The following UST variants were observed in gnomAD, a reference collection of about 807,000 sequenced individuals.
UST encodes the protein chondroitin sulfate 2-O-sulfotransferase.
UST carries 21 observed loss-of-function variants against 45.6 expected under a neutral mutation model. The ratio of observed to expected loss-of-function variants is 0.46; its 90% CI spans 0.33 to 0.66. The LOEUF (loss-of-function observed/expected upper bound fraction) is 0.66, where lower values mean the gene tolerates loss of function less well. Ranked by LOEUF, UST falls within the 30% of genes least tolerant of loss-of-function variation. The probability of loss-of-function intolerance (pLI) is 0.02; values close to 1 mark genes in which losing one functional copy is unlikely to be tolerated. For missense variants in UST, 463 were observed against 512.4 expected (o/e 0.90, Z 0.93); for synonymous variants, 215 against 200.6 (o/e 1.07, Z -0.61).
chr6:149,014,393 C>G (rs1283889107), intron 5 of UST, among the ~76,000 whole-genome samples: 1 of 152,170 alleles, frequency 6.6e-6, no homozygotes, highest in African/African-American at 2.4e-5. Context: ...AGCCTAAGAA[C>G]TAGAACTAGG....
chr6:148,783,930 A>T (rs903359383), intron 1 of UST, among the ~76,000 whole-genome samples: 3 of 152,146 alleles, frequency 2.0e-5, no homozygotes, highest in African/African-American at 7.2e-5. Flanking sequence ...AGATTCAATG[A>T]TATCTTCAAA....
chr6:148,908,376 C>G (rs193012488), intron 2 of UST, among the ~76,000 whole-genome samples: 35 of 152,274 alleles, frequency 2.3e-4, no homozygotes, highest in Admixed American at 8.5e-4. Context: ...TAAACAACCA[C>G]TTGGTGATTA....
intron 7 of UST, among the ~76,000 whole-genome samples, chr6:149,031,925 G>A (rs1776149112): frequency 6.6e-6 from 1 of 152,238 alleles, no homozygotes. Context: ...GACGTGGAAG[G>A]AGGCATTTTA....
chr6:148,803,216 A>T (rs1382671880), intron 1 of UST, among the ~76,000 whole-genome samples: 1 of 152,108 alleles, frequency 6.6e-6, no homozygotes, highest in Non-Finnish European at 1.5e-5. Context: ...ATCAAGAGTA[A>T]TTCTCCTTCC....
chr6:148,911,435 A>C (rs1779473420), intron 2 of UST, among the ~76,000 whole-genome samples: 1 of 152,146 alleles, frequency 6.6e-6, no homozygotes, highest in Non-Finnish European at 1.5e-5. Flanking sequence ...CTGAAATCTG[A>C]TCTTGTCCTT....
At chr6:149,030,257 TA>T (rs1215065324) in intron 7 of UST, among the ~76,000 whole-genome samples, 2 of 152,200 alleles carry the variant, frequency 1.3e-5, no homozygotes, top group East Asian at 3.8e-4. Flanking sequence ...GTGATTCCTC[TA>T]AAACTCTTCT....
chr6:149,030,643 G>A (rs910407559), intron 7 of UST, among the ~76,000 whole-genome samples: 3 of 151,322 alleles, frequency 2.0e-5, no homozygotes, highest in African/African-American at 4.9e-5. Context: ...ATTTACCATC[G>A]ATATTCTCTA....
chr6:149,017,568 C>T (rs1775921784), intron 5 of UST, among the ~76,000 whole-genome samples: 1 of 151,888 alleles, frequency 6.6e-6, no homozygotes, highest in Non-Finnish European at 1.5e-5. Flanking sequence ...TTTATATTGT[C>T]CTACATGTTT....
intron 1 of UST, among the ~76,000 whole-genome samples, chr6:148,761,047 T>A (rs926119034): frequency 6.6e-6 from 1 of 152,218 alleles, no homozygotes; most frequent in Non-Finnish European, 1.5e-5. Context: ...AGGGATCCTC[T>A]TCGAAGCTGT....
rs144547352 is a variant in UST, at chr6:148,909,485, C to T, written c.291+22456C>T. 5.9e-3 allele frequency among the ~76,000 whole-genome samples: 898 copies of T among 152,230 alleles called. 9 individuals are homozygous for T. The highest frequency in any genetic ancestry group is 0.02 in the African/African-American group (842 of 41,526). On this transcript the variant is annotated intron_variant, in intron 2 of 7. Coordinates refer to ENST00000367463, the MANE Select transcript of UST (RefSeq NM_005715.3). ...ATATATGTATAAAATTAAAATTTCC[C>T]ATCTTACTCTAAAAAGACTCTACTT... is the stretch of plus-strand genomic sequence containing the variant.
chr6:148,890,188 A>T (rs560414729), intron 2 of UST, among the ~76,000 whole-genome samples: 1 of 152,292 alleles, frequency 6.6e-6, no homozygotes, highest in South Asian at 2.1e-4. Context: ...TAAAAATATT[A>T]CTGGTATGTG....
At position 148,748,766 on chromosome 6, in the gene UST, G is replaced by A. The variant is rs1426867969; in HGVS notation, c.247+1089G>A. ...ATAAGCCTGAGCATCTGCACGATGA[G>A]AGCGAGTGCGGGGAAGCAGAGCCAC... On this transcript the variant is annotated intron_variant, in intron 1 of 7. Transcript: ENST00000367463. This position sits in a 1 kb window ranked among gnomAD's most constrained non-coding sequence, Gnocchi z 5.3. Among the ~76,000 whole-genome samples the A allele has an allele frequency of 6.6e-6, 1 of 152,112 alleles. No individual in the cohort carries two copies.
intron 5 of UST, among the ~76,000 whole-genome samples, chr6:149,006,803 T>C (rs1220986611): frequency 1.3e-5 from 2 of 152,242 alleles, no homozygotes; most frequent in Admixed American, 6.5e-5. Context: ...TGGTGTGAGA[T>C]GGTATATCAT....
intron 5 of UST, among the ~76,000 whole-genome samples, chr6:148,975,992 C>T (rs1562318234): frequency 2.6e-5 from 4 of 152,258 alleles, no homozygotes; most frequent in Admixed American, 2.6e-4. Flanking sequence ...GCAACATTAA[C>T]AGGCAAATCG....
Position 148,748,398 on chromosome 6 carries a change from CTTGT to C in UST, c.247+722_247+725del, listed in dbSNP as rs1388953412. ...TGTGCGTCTCAAGCTCAAGTCAAAA[CTTGT>C]GTGTGTGTGTGTGTGTGTGTGTGTG... On this transcript the variant is annotated intron_variant, in intron 1 of 7. Coordinates refer to ENST00000367463, the MANE Select transcript of UST (RefSeq NM_005715.3). The surrounding 1 kb of genome is among the most constrained non-coding windows in gnomAD (Gnocchi z 5.3). Among the ~76,000 whole-genome samples, 7 of 116,144 alleles carry C rather than the reference CTTGT, an allele frequency of 6.0e-5. No individual in the cohort carries two copies. The highest frequency in any genetic ancestry group is 1.2e-4 in the Non-Finnish European group (7 of 56,620). The allele number at this position is 116,144 out of a possible 152,430, so 76.2% of individuals were successfully genotyped here. A position where few individuals can be genotyped will look rare whatever the true frequency, so the allele number is the denominator to read the frequency against.
intron 1 of UST, among the ~76,000 whole-genome samples, chr6:148,833,082 A>G (rs1472139766): frequency 6.6e-6 from 1 of 152,242 alleles, no homozygotes. Flanking sequence ...GCACCAGATC[A>G]TTCATGACCT....
At chr6:148,753,273 C>T (rs1255750375) in intron 1 of UST, among the ~76,000 whole-genome samples, 4 of 152,166 alleles carry the variant, frequency 2.6e-5, no homozygotes, top group African/African-American at 9.7e-5. Context: ...ACGCCATACC[C>T]TTTATCCAAC....
intron 5 of UST, among the ~76,000 whole-genome samples, chr6:149,000,097 G>A (rs1189404048): frequency 6.6e-6 from 1 of 152,172 alleles, no homozygotes; most frequent in South Asian, 2.1e-4. Flanking sequence ...AAGTGTCCTG[G>A]CCAACAAGAG....
intron 7 of UST, among the ~76,000 whole-genome samples, chr6:149,060,842 C>T (rs1776643487): frequency 6.6e-6 from 1 of 152,198 alleles, no homozygotes; most frequent in Admixed American, 6.5e-5. Flanking sequence ...CACCACTCAG[C>T]TCCCCTGAAG....
Sources: gnomAD v4.1 joint callset for allele counts (sites outside exome capture counted in the v4.1 genomes callset) on GRCh38, gnomAD v4.1.1 for gene constraint, Gnocchi (gnomAD v3.1) non-coding constraint, MANE v1.5 for transcripts, NCBI Gene and HGNC (gene_info 2026-07-23, HGNC 2026-07-21) for gene names.